The following CTNNA3 variants were observed in gnomAD, a reference collection of about 807,000 sequenced individuals.
CTNNA3 encodes the protein catenin alpha-3.
A neutral mutation model predicts 95.7 loss-of-function variants in CTNNA3; 76 were observed. That is an observed-to-expected ratio of 0.79 (90% CI 0.66 to 0.96). CTNNA3 has a LOEUF of 0.96. CTNNA3 is among the 40% of genes least tolerant of loss of function. The pLI is 0.00. For missense variants in CTNNA3, 1,191 were observed against 1,089.8 expected (o/e 1.09, Z -1.31); for synonymous variants, 431 against 374.4 (o/e 1.15, Z -1.74).
At chr10:67,365,532 A>G (rs976727376) in intron 5 of CTNNA3, among the ~76,000 whole-genome samples, 5 of 152,210 alleles carry the variant, frequency 3.3e-5, no homozygotes, top group African/African-American at 1.2e-4. Context: ...TTTACAAGAA[A>G]AAAACAAACA....
chr10:66,926,524 T>G (rs2132619885), intron 7 of CTNNA3: 1 of 1,598,318 alleles, frequency 6.3e-7, no homozygotes, highest in East Asian at 2.2e-5. Flanking sequence ...GGGGCTGTCA[T>G]GCAACTGGCC....
At chr10:67,673,572 G>C (rs557409874) in intron 1 of CTNNA3, among the ~76,000 whole-genome samples, 16 of 146,682 alleles carry the variant, frequency 1.1e-4, no homozygotes, top group East Asian at 4.1e-4. Flanking sequence ...TAGCATGAAG[G>C]GTTGTTGAAT....
At chr10:66,200,932 A>ATT (rs1171950717) in intron 13 of CTNNA3, among the ~76,000 whole-genome samples, 1 of 152,098 alleles carries the variant, frequency 6.6e-6, no homozygotes, top group Non-Finnish European at 1.5e-5. Context: ...TTAGATTAGT[A>ATT]TTTTTCTTAT....
At chr10:66,294,172 G>A (rs1589043847) in intron 12 of CTNNA3, among the ~76,000 whole-genome samples, 1 of 152,124 alleles carries the variant, frequency 6.6e-6, no homozygotes, top group East Asian at 1.9e-4. Context: ...CTATCAAGAG[G>A]ACATATTTAA....
intron 5 of CTNNA3, among the ~76,000 whole-genome samples, chr10:67,391,124 T>C (rs917712135): frequency 1.3e-5 from 2 of 151,866 alleles, no homozygotes; most frequent in Non-Finnish European, 2.9e-5. Flanking sequence ...TTGTCCCTGT[T>C]TGCAGACGAC....
intron 12 of CTNNA3, among the ~76,000 whole-genome samples, chr10:66,356,967 T>C (rs888922653): frequency 3.9e-5 from 6 of 152,094 alleles, no homozygotes; most frequent in African/African-American, 7.2e-5. Context: ...CTATACTTGG[T>C]TATACAGTTA....
intron 1 of CTNNA3, among the ~76,000 whole-genome samples, chr10:67,691,872 C>T (rs866213337): frequency 1.6e-4 from 24 of 147,886 alleles, no homozygotes; most frequent in Non-Finnish European, 2.6e-4. Flanking sequence ...CCAGCTGCCC[C>T]GTCCGGGAGG....
At chr10:66,520,309 T>C (rs1438520367) in intron 11 of CTNNA3, among the ~76,000 whole-genome samples, 3 of 140,082 alleles carry the variant, frequency 2.1e-5, no homozygotes, top group Non-Finnish European at 4.5e-5. Context: ...TGGAGTGTAG[T>C]GACATGATCT....
chr10:66,888,858 G>A (rs986326662), intron 7 of CTNNA3, among the ~76,000 whole-genome samples: 5 of 152,210 alleles, frequency 3.3e-5, no homozygotes, highest in Middle Eastern at 3.4e-3. Context: ...CAGCTACTGC[G>A]ATCCTTGGTA....
rs563871342 is a variant in CTNNA3 at position 66,113,352 on chromosome 10, G to A, written c.1885-10103C>T. ...TTTTTTCTTTAATTGTTTGAATTAA[G>A]CTCTACGAATAAGCACACCTACTAA... On this transcript the variant is annotated intron_variant, in intron 13 of 17. Coordinates refer to ENST00000433211, the MANE Select transcript of CTNNA3 (RefSeq NM_013266.4). 2.1e-4 allele frequency among the ~76,000 whole-genome samples: 32 copies of A among 152,180 alleles called. No homozygotes were observed. The South Asian group carries it at 6.4e-3, about 31-fold the overall frequency.
At chr10:66,615,200 CA>C (rs1844467557) in intron 10 of CTNNA3, among the ~76,000 whole-genome samples, 2 of 152,026 alleles carry the variant, frequency 1.3e-5, no homozygotes, top group South Asian at 2.1e-4. Flanking sequence ...TTCTATTTCA[CA>C]AGCTAAGTAT....
At chr10:67,653,537 A>C (rs2133499207) in intron 1 of CTNNA3, among the ~76,000 whole-genome samples, 1 of 152,324 alleles carries the variant, frequency 6.6e-6, no homozygotes, top group South Asian at 2.1e-4. Context: ...GGTTCCAGTG[A>C]AAGAAAATGT....
intron 7 of CTNNA3, among the ~76,000 whole-genome samples, chr10:66,990,292 G>A (rs1371217531): frequency 6.6e-6 from 1 of 152,110 alleles, no homozygotes. Flanking sequence ...CTGTGGCCAG[G>A]TGAAGGGACT....
chr10:65,972,232 C>T (rs2078119580), intron 16 of CTNNA3, among the ~76,000 whole-genome samples: 1 of 152,038 alleles, frequency 6.6e-6, no homozygotes, highest in African/African-American at 2.4e-5. Flanking sequence ...TGAAACCAAT[C>T]TCTACTTGAA....
intron 7 of CTNNA3, among the ~76,000 whole-genome samples, chr10:66,827,260 T>A (rs552180075): frequency 6.6e-6 from 1 of 152,342 alleles, no homozygotes; most frequent in South Asian, 2.1e-4. Flanking sequence ...CTTGTCCTGC[T>A]GGCTATGATG....
chr10:67,277,748 T>A (rs1839239960), intron 5 of CTNNA3, among the ~76,000 whole-genome samples: 1 of 152,112 alleles, frequency 6.6e-6, no homozygotes, highest in Admixed American at 6.6e-5. Flanking sequence ...TAAAGGCTAA[T>A]TATAATGCAT....
chr10:66,093,144 G>A (rs1834844630), intron 14 of CTNNA3, among the ~76,000 whole-genome samples: 1 of 151,852 alleles, frequency 6.6e-6, no homozygotes, highest in Admixed American at 6.6e-5. Context: ...TATATAAGAA[G>A]TTTTGGATAC....
intron 12 of CTNNA3, among the ~76,000 whole-genome samples, chr10:66,378,107 A>G (rs1203371441): frequency 6.6e-6 from 1 of 152,182 alleles, no homozygotes; most frequent in Non-Finnish European, 1.5e-5. Context: ...CTTGCCTTGC[A>G]GCATAGCACT....
At chr10:66,155,408 T>C (rs2084440162) in intron 13 of CTNNA3, among the ~76,000 whole-genome samples, 1 of 151,880 alleles carries the variant, frequency 6.6e-6, no homozygotes, top group African/African-American at 2.4e-5. Context: ...TTAAATAAAC[T>C]AAACTTCATG....
Sources: gnomAD v4.1 joint callset for allele counts (sites outside exome capture counted in the v4.1 genomes callset) on GRCh38, gnomAD v4.1.1 for gene constraint, MANE v1.5 for transcripts, NCBI Gene and HGNC (gene_info 2026-07-23, HGNC 2026-07-21) for gene names.